Variants in GRID2 observed in about 807,000 individuals in gnomAD.
The protein encoded by GRID2 is glutamate ionotropic receptor delta type subunit 2.
In GRID2, 33 loss-of-function variants were observed where a neutral mutation model predicts 114.8. That is an observed-to-expected ratio of 0.29 (90% CI 0.22 to 0.38). The LOEUF (loss-of-function observed/expected upper bound fraction) is 0.38, where lower values mean the gene tolerates loss of function less well. Among genes scored for constraint, GRID2 ranks in the 10% least tolerant of loss-of-function variants. The pLI is 1.00. For missense variants in GRID2, 1,184 were observed against 1,257.7 expected (o/e 0.94, Z 0.89); for synonymous variants, 505 against 449.9 (o/e 1.12, Z -1.55).
chr4:93,782,144 A>G (rs967484708), intron 1 of GRID2, among the ~76,000 whole-genome samples: 1 of 152,072 alleles, frequency 6.6e-6, no homozygotes, highest in African/African-American at 2.4e-5. Flanking sequence ...CTGCCCTTCA[A>G]TGTGGTGACA....
At chr4:92,792,714 C>G (rs898816649) in intron 2 of GRID2, among the ~76,000 whole-genome samples, 45 of 151,860 alleles carry the variant, frequency 3.0e-4, no homozygotes, top group African/African-American at 9.4e-4. Context: ...TAGAAATTTT[C>G]CACATATTTG....
intron 2 of GRID2, chr4:92,885,003 G>A: frequency 3.7e-6 from 1 of 269,586 alleles, no homozygotes; most frequent in Non-Finnish European, 7.5e-6. Context: ...AATTACTGCT[G>A]CACAGTGTTA....
intron 4 of GRID2, among the ~76,000 whole-genome samples, chr4:93,138,817 A>G (rs1017619389): frequency 1.5e-4 from 23 of 152,310 alleles, no homozygotes; most frequent in African/African-American, 5.3e-4. Flanking sequence ...TCCTTCCTAA[A>G]TAATGTCCAA....
intron 1 of GRID2, among the ~76,000 whole-genome samples, chr4:92,330,141 C>T (rs926675792): frequency 6.6e-6 from 1 of 152,060 alleles, no homozygotes; most frequent in Admixed American, 6.6e-5. Context: ...TTATTTAATC[C>T]ATTGTGGGCC....
intron 2 of GRID2, among the ~76,000 whole-genome samples, chr4:93,011,606 G>A (rs925099780): frequency 5.9e-5 from 9 of 152,036 alleles, no homozygotes; most frequent in African/African-American, 1.9e-4. Context: ...TGTGTGTCAG[G>A]AAATGGGAAA....
intron 4 of GRID2, among the ~76,000 whole-genome samples, chr4:93,151,965 T>A (rs1344006614): frequency 6.6e-6 from 1 of 152,134 alleles, no homozygotes; most frequent in Non-Finnish European, 1.5e-5. Flanking sequence ...GTAAGCAGTC[T>A]TCATATAGAA....
chr4:93,177,267 A>G (rs182617293), intron 4 of GRID2, among the ~76,000 whole-genome samples: 194 of 152,246 alleles, frequency 1.3e-3, no homozygotes, highest in Admixed American at 2.9e-3. Flanking sequence ...AAATATATAG[A>G]TTGAAGTGCT....
At chr4:93,788,127 C>G (rs763160198) in intron 1 of GRID2, among the ~76,000 whole-genome samples, 33 of 151,862 alleles carry the variant, frequency 2.2e-4, no homozygotes, top group Non-Finnish European at 1.0e-4. Context: ...GACCAGCCTG[C>G]TCAACATGGC....
At chr4:92,653,304 TACAC>T (rs145150152) in intron 2 of GRID2, among the ~76,000 whole-genome samples, 3 of 146,540 alleles carry the variant, frequency 2.0e-5, no homozygotes, top group Admixed American at 1.4e-4. Flanking sequence ...TGGCCAAAAT[TACAC>T]ACACACACAC....
At chr4:92,812,927 C>A (rs1181599676) in intron 2 of GRID2, among the ~76,000 whole-genome samples, 1 of 152,092 alleles carries the variant, frequency 6.6e-6, no homozygotes, top group Admixed American at 6.6e-5. Flanking sequence ...ATTATCTAAA[C>A]CCCTAGGTAA....
At chr4:92,381,652 T>C (rs1225048478) in intron 1 of GRID2, among the ~76,000 whole-genome samples, 1 of 152,060 alleles carries the variant, frequency 6.6e-6, no homozygotes, top group Non-Finnish European at 1.5e-5. Context: ...TTCTAATGCA[T>C]TCTTTGCAAA....
chr4:92,805,201 C>G (rs1318692534), intron 2 of GRID2, among the ~76,000 whole-genome samples: 1 of 151,890 alleles, frequency 6.6e-6, no homozygotes, highest in African/African-American at 2.4e-5. Context: ...ATCGTTATTT[C>G]TCTTTTACCA....
rs986211013 is a variant in GRID2 at position 93,466,093 on chromosome 4, T to G, written c.1858+10119T>G. 5.9e-5 allele frequency among the ~76,000 whole-genome samples: 9 copies of G among 152,124 alleles called. No homozygotes were observed. In the East Asian group the frequency reaches 1.5e-3, roughly 26 times the overall value. ...AAACAGTACACTTAGGGTTTTGTTT[T>G]GGGAATTATATCTCGAGATCTGCAA... On this transcript the variant is annotated intron_variant, in intron 11 of 15. Coordinates refer to ENST00000282020, the MANE Select transcript of GRID2 (RefSeq NM_001510.4).
chr4:92,550,189 T>C (rs892076135), intron 1 of GRID2, among the ~76,000 whole-genome samples: 4 of 152,186 alleles, frequency 2.6e-5, no homozygotes, highest in Non-Finnish European at 5.9e-5. Flanking sequence ...GTGATTATAA[T>C]GAAGACTTAT....
chr4:93,608,255 T>C (rs1323264615), intron 13 of GRID2, among the ~76,000 whole-genome samples: 2 of 149,852 alleles, frequency 1.3e-5, no homozygotes, highest in African/African-American at 4.9e-5. Context: ...TTTATTATTT[T>C]ATTTTAAACT....
intron 2 of GRID2, among the ~76,000 whole-genome samples, chr4:92,887,505 G>T (rs988239420): frequency 1.3e-5 from 2 of 150,988 alleles, no homozygotes; most frequent in African/African-American, 4.9e-5. Flanking sequence ...CACTCATTGT[G>T]CACCCCTCTC....
At chr4:92,951,014 C>A (rs1270566936) in intron 2 of GRID2, among the ~76,000 whole-genome samples, 1 of 152,028 alleles carries the variant, frequency 6.6e-6, no homozygotes, top group Non-Finnish European at 1.5e-5. Flanking sequence ...CTAAATATTG[C>A]TTTGTTCTTC....
chr4:92,364,665 C>A (rs1268205929), intron 1 of GRID2, among the ~76,000 whole-genome samples: 1 of 151,526 alleles, frequency 6.6e-6, no homozygotes, highest in Non-Finnish European at 1.5e-5. Context: ...CACCTGTGTT[C>A]AGCAGAAGTA....
intron 1 of GRID2, among the ~76,000 whole-genome samples, chr4:92,308,125 C>T (rs1182462866): frequency 6.6e-6 from 1 of 152,196 alleles, no homozygotes; most frequent in Non-Finnish European, 1.5e-5. Flanking sequence ...AGTCGTCCCA[C>T]ACTCTTTACT....
Sources: allele counts gnomAD v4.1 joint callset (sites outside exome capture counted in the v4.1 genomes callset), GRCh38; gene constraint gnomAD v4.1.1; transcripts MANE v1.5; gene names NCBI Gene and HGNC (gene_info 2026-07-23, HGNC 2026-07-21).